Variants in GATAD2B observed in about 807,000 individuals in gnomAD.
GATAD2B encodes transcriptional repressor p66-beta.
In GATAD2B, 8 loss-of-function variants were observed where a neutral mutation model predicts 64.3. The ratio of observed to expected loss-of-function variants is 0.12; its 90% confidence interval spans 0.07 to 0.22. GATAD2B has a LOEUF of 0.22. Among genes scored for constraint, GATAD2B ranks in the 10% least tolerant of loss-of-function variants. The pLI, the probability that GATAD2B is intolerant of heterozygous loss-of-function variation, is 1.00. For missense variants in GATAD2B, 453 were observed against 752.0 expected (o/e 0.60, Z 4.65); for synonymous variants, 281 against 271.3 (o/e 1.04, Z -0.35).
intron 1 of GATAD2B, among the ~76,000 whole-genome samples, chr1:153,860,316 T>C (rs1312100257): frequency 1.3e-5 from 2 of 152,080 alleles, no homozygotes; most frequent in East Asian, 3.9e-4. Context: ...TCATGAATGG[T>C]ATGTAGTTAA....
chr1:153,844,627 T>C (rs919176540), intron 1 of GATAD2B, among the ~76,000 whole-genome samples: 6 of 151,298 alleles, frequency 4.0e-5, no homozygotes, highest in Admixed American at 2.6e-4. Context: ...ATGGATGAAA[T>C]TGGAAATCAT....
chr1:153,808,413 C>G lies in GATAD2B; in HGVS notation c.*1764G>C, dbSNP rs2101871578. 6.5e-6 allele frequency: 1 copy of G among 152,706 alleles called. No individual in the cohort carries two copies. Among genetic ancestry groups the G allele is most frequent in the Non-Finnish European group, 1.5e-5 (1 of 68,016 alleles). The allele number at this position is 152,706 out of a possible 1,614,324, so 9.5% of individuals were successfully genotyped here. ...GATTTTAGCTCTTTCTCCCACCCCACCTCCAAATTTTATGGGGAAGGTGTG... is the reference window on the plus strand; with the variant it reads ...GATTTTAGCTCTTTCTCCCACCCCAGCTCCAAATTTTATGGGGAAGGTGTG... On this transcript the variant is annotated 3_prime_UTR_variant, in exon 11 of 11. Coordinates refer to ENST00000368655, the MANE Select transcript of GATAD2B (RefSeq NM_020699.4).
At chr1:153,837,597 A>G (rs1182370475) in intron 1 of GATAD2B, among the ~76,000 whole-genome samples, 1 of 152,164 alleles carries the variant, frequency 6.6e-6, no homozygotes, top group African/African-American at 2.4e-5. Flanking sequence ...ATTTTACCAC[A>G]ACAAAATTGC....
At chr1:153,898,633 A>C (rs1471159339) in intron 1 of GATAD2B, among the ~76,000 whole-genome samples, 2 of 152,318 alleles carry the variant, frequency 1.3e-5, no homozygotes, top group South Asian at 4.1e-4. Context: ...CAGGAGGCTG[A>C]GGCACCAACA....
chr1:153,919,317 A>C (rs1678359577), intron 1 of GATAD2B, among the ~76,000 whole-genome samples: 1 of 152,238 alleles, frequency 6.6e-6, no homozygotes, highest in Non-Finnish European at 1.5e-5. Context: ...CCACCATCTA[A>C]ATACCTCAGA....
intron 1 of GATAD2B, among the ~76,000 whole-genome samples, chr1:153,904,757 G>A (rs1173244515): frequency 1.3e-5 from 2 of 151,934 alleles, no homozygotes; most frequent in Non-Finnish European, 2.9e-5. Context: ...ACCCAGGCTG[G>A]AGTGCAGTGG....
In GATAD2B at chr1:153,817,429, C is replaced by T; in HGVS notation, c.843G>A (p.Lys281=). Residue 281 remains lysine, a synonymous_variant, in exon 6 of 11, where the codon AAG becomes AAA. Transcript: ENST00000368655. Reference sequence around the variant, plus strand: ...GTGTTGTGGTGCGTACAAGGCCAGGCTTAGGCGGGCCCCGCTGACCCTGTA... The same window carrying T: ...GTGTTGTGGTGCGTACAAGGCCAGGTTTAGGCGGGCCCCGCTGACCCTGTA... ...AQLQGQRGPP[K]PGLVRTTTPN... 1 of 1,611,400 alleles carries T rather than the reference C, an allele frequency of 6.2e-7. No homozygotes were observed. The highest frequency in any genetic ancestry group is 8.5e-7 in the Non-Finnish European group (1 of 1,179,200).
intron 3 of GATAD2B, 31 bp downstream of exon 3, chr1:153,819,575 C>A: frequency 6.7e-7 from 1 of 1,498,278 alleles, no homozygotes; most frequent in Non-Finnish European, 9.1e-7. Context: ...AGGAGCATAA[C>A]AAGAAGAAAG....
At chr1:153,820,973 A>ATTTTT in intron 2 of GATAD2B, among the ~76,000 whole-genome samples, 1 of 101,332 alleles carries the variant, frequency 9.9e-6, no homozygotes, top group African/African-American at 4.1e-5. Flanking sequence ...TGGCACATGG[A>ATTTTT]ATTTTTTTTT....
At chr1:153,811,618 C>A in intron 10 of GATAD2B, 113 bp downstream of exon 10, 1 of 756,674 alleles carries the variant, frequency 1.3e-6, no homozygotes, top group East Asian at 2.5e-5. Flanking sequence ...GAGTGTATGC[C>A]CTAAAGAAAG....
intron 1 of GATAD2B, among the ~76,000 whole-genome samples, chr1:153,851,480 TGTGAA>T (rs1488064203): frequency 6.6e-6 from 1 of 152,140 alleles, no homozygotes. Context: ...CATTGACAGG[TGTGAA>T]GTGATGATAT....
Position 153,878,175 on chromosome 1 carries a change from T to C in GATAD2B, c.-2+44558A>G, listed in dbSNP as rs1338637785. ...CCATCCTGCAATCTTTTTTTTTTTTTCTTTTTTTTTTGAGACAGGGTCTCA... is the reference window on the plus strand; with the variant it reads ...CCATCCTGCAATCTTTTTTTTTTTTCCTTTTTTTTTTGAGACAGGGTCTCA... On this transcript the variant is annotated intron_variant, in intron 1 of 10. Transcript: ENST00000368655. 2.6e-4 allele frequency among the ~76,000 whole-genome samples: 38 copies of C among 146,016 alleles called. 1 individual carries two copies. Among genetic ancestry groups the C allele is most frequent in the African/African-American group, 7.6e-4 (31 of 40,822 alleles).
intron 1 of GATAD2B, among the ~76,000 whole-genome samples, chr1:153,893,777 G>A (rs369379717): frequency 2.0e-5 from 3 of 151,496 alleles, no homozygotes; most frequent in African/African-American, 7.3e-5. Flanking sequence ...GGTCAACATG[G>A]TGAAATCCCA....
chr1:153,811,666 C>T (rs1229984588), intron 10 of GATAD2B, 65 bp downstream of exon 10: 1 of 951,612 alleles, frequency 1.1e-6, no homozygotes, highest in African/African-American at 1.6e-5. Context: ...AAAGGGGCTG[C>T]TACAGAACTG....
rs2101876363 is a variant in GATAD2B, at chr1:153,813,349, T to C, written c.1320A>G (p.Leu440=). Residue 440 remains leucine (L), a synonymous_variant, in exon 8 of 11, where the codon CTA becomes CTG. Transcript: ENST00000368655. ...GGTTGGAGGTCATACACTGCTCACA[T>C]AGAATCTTACCATTCTTTTCTTGCT... is the stretch of plus-strand genomic sequence containing the variant. ...HWKQEKNGKI[L]CEQCMTSNQK... is the part of the protein sequence containing the mutation. 3.1e-6 allele frequency: 5 copies of C among 1,613,940 alleles called. No individual in the cohort carries two copies. Among genetic ancestry groups the C allele is most frequent in the Admixed American group, 1.7e-5 (1 of 60,018 alleles).
intron 1 of GATAD2B, among the ~76,000 whole-genome samples, chr1:153,919,141 A>T (rs1678355288): frequency 1.3e-5 from 2 of 152,316 alleles, no homozygotes; most frequent in Middle Eastern, 3.4e-3. Flanking sequence ...TGAGGTCTGG[A>T]TCTGACCACT....
At chr1:153,825,451 T>G (rs992249605) in intron 2 of GATAD2B, among the ~76,000 whole-genome samples, 7 of 152,004 alleles carry the variant, frequency 4.6e-5, no homozygotes, top group Non-Finnish European at 1.0e-4. Flanking sequence ...GAGACAAGAG[T>G]CTCACTCTGT....
intron 1 of GATAD2B, among the ~76,000 whole-genome samples, chr1:153,909,740 C>G (rs1678058039): frequency 6.6e-6 from 1 of 150,518 alleles, no homozygotes; most frequent in Non-Finnish European, 1.5e-5. Context: ...GAGTTCGAGA[C>G]CAGCCTGGCC....
rs1309978847 is a variant in GATAD2B, at chr1:153,809,015, G to C, written c.*1162C>G. On this transcript the variant is annotated 3_prime_UTR_variant, in exon 11 of 11. Transcript: ENST00000368655. ...CCTCTCATCTCCTGGCACTCAGAGG[G>C]TGAAAGAATAGGCAAATATGCGAAT... 2 of 152,098 alleles carry C rather than the reference G, an allele frequency of 1.3e-5. No homozygotes were observed. The highest frequency in any genetic ancestry group is 4.8e-5 in the African/African-American group (2 of 41,398). 9.4% of individuals were successfully genotyped at this position (152,098 alleles called of 1,614,324 possible).
Sources: gnomAD v4.1 joint callset for allele counts (sites outside exome capture counted in the v4.1 genomes callset) on GRCh38, gnomAD v4.1.1 for gene constraint, MANE v1.5 for transcripts, NCBI Gene and HGNC (gene_info 2026-07-23, HGNC 2026-07-21) for gene names.